Variants in SEPTIN6 observed in about 807,000 individuals in gnomAD.
The protein encoded by SEPTIN6 is septin-6.
In SEPTIN6, 8 loss-of-function variants were observed where a neutral mutation model predicts 33.6. The observed-to-expected ratio is 0.24, with a 90% CI of 0.14 to 0.43. The LOEUF (loss-of-function observed/expected upper bound fraction) is 0.43. SEPTIN6 is among the 20% of genes least tolerant of loss of function. The pLI is 1.00. For synonymous variants in SEPTIN6, 131 were observed against 140.0 expected (o/e 0.94, Z 0.45); for missense variants, 250 against 340.8 (o/e 0.73, Z 2.10).
At chrX:119,673,251 T>C (rs1050288430) in intron 2 of SEPTIN6, among the ~76,000 whole-genome samples, 1 of 111,242 alleles carries the variant, frequency 9.0e-6, no homozygotes, top group African/African-American at 3.3e-5. Context: ...TAATCCCAGC[T>C]ACTTTGGAGG....
At chrX:119,690,027 T>G (rs1399733636) in intron 1 of SEPTIN6, among the ~76,000 whole-genome samples, 1 of 111,247 alleles carries the variant, frequency 9.0e-6, no homozygotes, top group Non-Finnish European at 1.9e-5. Context: ...CCAAGCCCAG[T>G]CCGATCACGA....
At position 119,663,515 on chromosome X, in the gene SEPTIN6, A is replaced by G; in HGVS notation, c.308T>C (p.Val103Ala). The change falls in exon 3 of 11, where the codon GTT (valine) becomes GCT (alanine). Residue 103 changes from valine to alanine, a missense_variant. By Grantham distance (64) the Val-to-Ala change is moderately conservative (BLOSUM62 0). This residue lies in a region of SEPTIN6 where 111 missense variants were observed against 113.8 expected (regional missense o/e 0.98). Coordinates refer to ENST00000394610, the MANE Select transcript of SEPTIN6 (RefSeq NM_145799.4). ...TTTGTTGATCTGGTCCCCAAAGCCA[A>G]CTGTGCTAACGATCGTGAGCTTTAG... Reference protein sequence around the residue: ...VRLKLTIVSTVGFGDQINKED... With the variant: ...VRLKLTIVSTAGFGDQINKED... 1 of 1,200,097 alleles carries G rather than the reference A, an allele frequency of 8.3e-7. No homozygotes were observed. Among genetic ancestry groups the G allele is most frequent in the Non-Finnish European group, 1.1e-6 (1 of 890,103 alleles).
chrX:119,689,698 G>A (rs969968148), intron 1 of SEPTIN6, among the ~76,000 whole-genome samples: 2 of 108,900 alleles, frequency 1.8e-5, no homozygotes, highest in African/African-American at 3.4e-5. Context: ...GGCTGGTCTC[G>A]ATCTCCTGAC....
At chrX:119,668,767 A>G (rs1171329809) in intron 2 of SEPTIN6, among the ~76,000 whole-genome samples, 3 of 111,805 alleles carry the variant, frequency 2.7e-5, no homozygotes, top group Non-Finnish European at 5.6e-5. Flanking sequence ...AGCCTGACCA[A>G]CATAGACCCT....
At chrX:119,660,412 T>A (rs937605149) in intron 3 of SEPTIN6, among the ~76,000 whole-genome samples, 1 of 112,490 alleles carries the variant, frequency 8.9e-6, no homozygotes, top group Non-Finnish European at 1.9e-5. Context: ...AGGCTTTTCA[T>A]TTCTACTTAT....
At position 119,618,377 on chromosome X, in the gene SEPTIN6, C is replaced by A. The variant is rs1043482577; in HGVS notation, c.*1716G>T. 2 of 822,898 alleles carry A rather than the reference C, an allele frequency of 2.4e-6. No homozygotes were observed. The highest frequency in any genetic ancestry group is 1.3e-4 in the East Asian group (2 of 15,429). The allele number at this position is 822,898 out of a possible 1,213,427, so 67.8% of individuals were successfully genotyped here. On this transcript the variant is annotated 3_prime_UTR_variant, in exon 11 of 11. Transcript: ENST00000394610. ...TCTTGCTTTGTCAACAAGAAAAGTG[C>A]GTGCATATGTTTGCTTTTCATTTTT...
intron 7 of SEPTIN6, among the ~76,000 whole-genome samples, chrX:119,635,830 G>A (rs774699291): frequency 1.9e-4 from 21 of 111,510 alleles, no homozygotes; most frequent in Non-Finnish European, 3.2e-4. Flanking sequence ...GACAGAGGCT[G>A]GTAAGAAAGA....
At chrX:119,676,068 G>A (rs2054834671) in intron 1 of SEPTIN6, among the ~76,000 whole-genome samples, 1 of 111,572 alleles carries the variant, frequency 9.0e-6, no homozygotes, top group Admixed American at 9.6e-5. Flanking sequence ...AGATAATATG[G>A]CATATCTTAG....
chrX:119,667,596 G>A (rs748799870), intron 2 of SEPTIN6, among the ~76,000 whole-genome samples: 2 of 110,638 alleles, frequency 1.8e-5, no homozygotes, highest in Non-Finnish European at 3.8e-5. Flanking sequence ...AGAGCCTGGG[G>A]GTCGGGGAGG....
In SEPTIN6 at chrX:119,653,027, C is replaced by T. The variant is rs746618579; in HGVS notation, c.355G>A (p.Val119Met). ...TCGAATTGTGCATCGATGAATTCCA[C>T]GATAGGCTTGTAGCTAAAAGGGAGA... ...INKEDSYKPI[V>M]EFIDAQFEAY... Residue 119 changes from valine to methionine, a missense_variant, in exon 4 of 11, where the codon GTG becomes ATG. Physicochemically the swap from Val to Met is conservative, Grantham distance 21 (BLOSUM62 1). This residue lies in a region of SEPTIN6 where 111 missense variants were observed against 113.8 expected (regional missense o/e 0.98). Coordinates refer to ENST00000394610, the MANE Select transcript of SEPTIN6 (RefSeq NM_145799.4). 6 of 1,208,634 alleles carry T rather than the reference C, an allele frequency of 5.0e-6. No individual in the cohort carries two copies. The highest frequency in any genetic ancestry group is 3.0e-5 in the East Asian group (1 of 33,794).
chrX:119,627,381 G>C (rs978532767), intron 9 of SEPTIN6, among the ~76,000 whole-genome samples: 1 of 110,678 alleles, frequency 9.0e-6, no homozygotes. Flanking sequence ...AGCAAGCAGA[G>C]ACTGGGGTTG....
intron 2 of SEPTIN6, among the ~76,000 whole-genome samples, chrX:119,669,573 G>A (rs746673621): frequency 3.6e-5 from 4 of 111,968 alleles, no homozygotes; most frequent in South Asian, 3.7e-4. Flanking sequence ...CGGCTCGTCC[G>A]CTTCCTGCAT....
chrX:119,633,325 C>T (rs1383795666), intron 8 of SEPTIN6, 35 bp downstream of exon 8: 1 of 1,174,124 alleles, frequency 8.5e-7, no homozygotes, highest in Admixed American at 2.4e-5. Context: ...GCTGTTGTTT[C>T]TTGACATTTT....
intron 10 of SEPTIN6, among the ~76,000 whole-genome samples, chrX:119,620,349 T>G (rs760356732): frequency 1.9e-5 from 2 of 104,568 alleles, no homozygotes; most frequent in African/African-American, 3.5e-5. Flanking sequence ...GACAGAGTCT[T>G]GCTCTGTCAC....
intron 3 of SEPTIN6, among the ~76,000 whole-genome samples, chrX:119,657,969 CA>C (rs766913963): frequency 9.1e-6 from 1 of 110,037 alleles, no homozygotes; most frequent in Non-Finnish European, 1.9e-5. Context: ...ACTAAAAATA[CA>C]AAAAAAATTA....
At chrX:119,664,368 G>A (rs895914599) in intron 2 of SEPTIN6, among the ~76,000 whole-genome samples, 1 of 111,577 alleles carries the variant, frequency 9.0e-6, no homozygotes, top group African/African-American at 3.3e-5. Flanking sequence ...AAAAAAGACT[G>A]GGAGGAAATA....
At chrX:119,631,008 C>A (rs1428186491) in intron 8 of SEPTIN6, among the ~76,000 whole-genome samples, 2 of 110,643 alleles carry the variant, frequency 1.8e-5, no homozygotes, top group African/African-American at 6.6e-5. Flanking sequence ...AAGAGCAGAG[C>A]AAGCCGAATT....
intron 10 of SEPTIN6, among the ~76,000 whole-genome samples, chrX:119,620,358 A>G (rs553707465): frequency 5.5e-3 from 554 of 99,939 alleles, no homozygotes; most frequent in South Asian, 0.016. Context: ...TTGCTCTGTC[A>G]CCCAGGCTGG....
At chrX:119,627,237 G>A (rs772781602) in intron 9 of SEPTIN6, among the ~76,000 whole-genome samples, 8 of 110,843 alleles carry the variant, frequency 7.2e-5, no homozygotes, top group African/African-American at 2.0e-4. Context: ...TAAAGACACA[G>A]CTAAACAGTC....
Sources: allele counts gnomAD v4.1 joint callset (sites outside exome capture counted in the v4.1 genomes callset), GRCh38; gene constraint gnomAD v4.1.1; regional missense constraint gnomAD v4.1.1; transcripts MANE v1.5; gene names NCBI Gene and HGNC (gene_info 2026-07-23, HGNC 2026-07-21).